The following UNC5D variants were observed in gnomAD, a reference collection of about 807,000 sequenced individuals.
UNC5D encodes the protein netrin receptor UNC5D.
UNC5D carries 39 observed loss-of-function variants against 105.4 expected under a neutral mutation model. The observed-to-expected ratio is 0.37, with a 90% CI of 0.29 to 0.48. The LOEUF is 0.48. Among genes scored for constraint, UNC5D ranks in the 20% least tolerant of loss-of-function variants. The probability of loss-of-function intolerance (pLI) is 0.98; values close to 1 mark genes in which losing one functional copy is unlikely to be tolerated. For missense variants in UNC5D, 991 were observed against 1,202.4 expected, an observed-to-expected ratio of 0.82 and a Z score of 2.60; for synonymous variants, 452 against 450.4, an observed-to-expected ratio of 1.00 and a Z score of -0.04.
intron 1 of UNC5D, among the ~76,000 whole-genome samples, chr8:35,438,624 A>T (rs1018889004): frequency 1.3e-5 from 2 of 151,970 alleles, no homozygotes; most frequent in Non-Finnish European, 2.9e-5. Context: ...CCTGCAGAGA[A>T]TAACATAAGC....
intron 3 of UNC5D, among the ~76,000 whole-genome samples, chr8:35,572,844 C>T (rs1817832798): frequency 1.3e-5 from 2 of 149,316 alleles, no homozygotes; most frequent in Admixed American, 1.3e-4. Context: ...CTCTCTGTCG[C>T]CCAGGCTGGA....
intron 1 of UNC5D, among the ~76,000 whole-genome samples, chr8:35,540,511 C>A: frequency 6.9e-6 from 1 of 145,110 alleles, no homozygotes. Context: ...TTCTAGAAAC[C>A]TAAAAATAGA....
chr8:35,346,142 G>A (rs1415284287), intron 1 of UNC5D, among the ~76,000 whole-genome samples: 1 of 151,994 alleles, frequency 6.6e-6, no homozygotes, highest in East Asian at 1.9e-4. Flanking sequence ...TTTTGGGACA[G>A]CATAGGCAAG....
At chr8:35,525,958 C>T (rs1326765294) in intron 1 of UNC5D, among the ~76,000 whole-genome samples, 1 of 152,108 alleles carries the variant, frequency 6.6e-6, no homozygotes, top group Non-Finnish European at 1.5e-5. Context: ...TTGTGTGTGT[C>T]CCAAATATAA....
chr8:35,546,258 A>C (rs1815671006), intron 1 of UNC5D, among the ~76,000 whole-genome samples: 1 of 152,118 alleles, frequency 6.6e-6, no homozygotes, highest in African/African-American at 2.4e-5. Flanking sequence ...AGGCTTGTCC[A>C]TTCCACTCTC....
At position 35,570,956 on chromosome 8, in the gene UNC5D, C is replaced by CAAGA. The variant is rs746138059; in HGVS notation, c.466+2728_466+2731dup. Among the ~76,000 whole-genome samples, 12 of 150,748 alleles carry CAAGA rather than the reference C, an allele frequency of 8.0e-5. 1 individual carries two copies. Among genetic ancestry groups the CAAGA allele is most frequent in the Admixed American group, 6.6e-4 (10 of 15,102 alleles). On this transcript the variant is annotated intron_variant, in intron 3 of 16. Transcript: ENST00000404895. ...CTGGGCAACAAGAGCCAAACTCCAT[C>CAAGA]AAGAAAGAAAGAAAGAGAGAGAGAG...
At chr8:35,495,311 G>GGTCTTTT (rs1341368045) in intron 1 of UNC5D, among the ~76,000 whole-genome samples, 2 of 151,766 alleles carry the variant, frequency 1.3e-5, no homozygotes, top group Non-Finnish European at 2.9e-5. Context: ...GGTGGGAAGA[G>GGTCTTTT]GTCTTTTTAT....
chr8:35,309,472 T>C (rs1055233205), intron 1 of UNC5D, among the ~76,000 whole-genome samples: 12 of 152,308 alleles, frequency 7.9e-5, no homozygotes, highest in South Asian at 2.1e-4. Flanking sequence ...TCTTTGACTA[T>C]GTTAACTGGG....
chr8:35,461,871 C>T (rs1249340065), intron 1 of UNC5D, among the ~76,000 whole-genome samples: 1 of 152,178 alleles, frequency 6.6e-6, no homozygotes. Context: ...AAAATATGAC[C>T]AACATTGAAT....
chr8:35,448,551 A>G lies in UNC5D; in HGVS notation c.104-100741A>G, dbSNP rs796084223. Among the ~76,000 whole-genome samples, 165 of 152,080 alleles carry G rather than the reference A, an allele frequency of 1.1e-3. 2 individuals carry two copies. The highest frequency in any genetic ancestry group is 3.8e-3 in the African/African-American group (158 of 41,492). ...GAGTGATTAGATATTCAAATTCTTGACCCTAATCTGCACCTCCCCAGCAGA... is the reference window on the plus strand; with the variant it reads ...GAGTGATTAGATATTCAAATTCTTGGCCCTAATCTGCACCTCCCCAGCAGA... On this transcript the variant is annotated intron_variant, in intron 1 of 16. Transcript: ENST00000404895.
intron 1 of UNC5D, among the ~76,000 whole-genome samples, chr8:35,471,675 G>A (rs1563450755): frequency 6.6e-6 from 1 of 152,082 alleles, no homozygotes; most frequent in Non-Finnish European, 1.5e-5. Context: ...TCATGGTTAA[G>A]AAAAATAATA....
rs562820365 is a variant in UNC5D, at chr8:35,435,078, T to A, written c.104-114214T>A. On this transcript the variant is annotated intron_variant, in intron 1 of 16. Coordinates refer to ENST00000404895, the MANE Select transcript of UNC5D (RefSeq NM_080872.4). ...TTGGAAAGACTGTGGAGTATGGTTTTTTCTGAAGAGGGTTCACTGATAATT... is the reference window on the plus strand; with the variant it reads ...TTGGAAAGACTGTGGAGTATGGTTTATTCTGAAGAGGGTTCACTGATAATT... 7.9e-5 allele frequency among the ~76,000 whole-genome samples: 12 copies of A among 152,240 alleles called. No individual in the cohort carries two copies. In the East Asian group the frequency reaches 1.9e-3, roughly 24 times the overall value.
intron 1 of UNC5D, among the ~76,000 whole-genome samples, chr8:35,285,450 T>C (rs1037194310): frequency 6.6e-6 from 1 of 152,220 alleles, no homozygotes; most frequent in African/African-American, 2.4e-5. Context: ...AAGTTCAATT[T>C]CTAGTGTTCT....
At chr8:35,379,486 G>A (rs967695023) in intron 1 of UNC5D, among the ~76,000 whole-genome samples, 1 of 152,158 alleles carries the variant, frequency 6.6e-6, no homozygotes, top group African/African-American at 2.4e-5. Flanking sequence ...TAGAGATGCT[G>A]TTGTCTGTTC....
intron 7 of UNC5D, among the ~76,000 whole-genome samples, chr8:35,701,128 T>C (rs6998842): frequency 6.6e-6 from 1 of 152,078 alleles, no homozygotes; most frequent in Non-Finnish European, 1.5e-5. Flanking sequence ...TGGTAAACAT[T>C]GACTGTAATG....
chr8:35,423,418 G>C (rs961247892), intron 1 of UNC5D, among the ~76,000 whole-genome samples: 1 of 152,096 alleles, frequency 6.6e-6, no homozygotes, highest in Non-Finnish European at 1.5e-5. Flanking sequence ...CCTACCTCAG[G>C]TTATAATAGA....
chr8:35,534,601 C>G (rs1404411232), intron 1 of UNC5D, among the ~76,000 whole-genome samples: 2 of 151,504 alleles, frequency 1.3e-5, no homozygotes, highest in Non-Finnish European at 2.9e-5. Flanking sequence ...CAAAATAGCT[C>G]TGTTTACTCA....
At chr8:35,314,074 A>G (rs530656786) in intron 1 of UNC5D, among the ~76,000 whole-genome samples, 2 of 152,176 alleles carry the variant, frequency 1.3e-5, no homozygotes, top group African/African-American at 4.8e-5. Context: ...TTCTCTTTCA[A>G]AAAAATCTAG....
intron 1 of UNC5D, among the ~76,000 whole-genome samples, chr8:35,521,566 A>G (rs1813482378): frequency 6.6e-6 from 1 of 152,146 alleles, no homozygotes; most frequent in South Asian, 2.1e-4. Flanking sequence ...CAAAAACAAA[A>G]CAGGAGTCCT....
Sources: gnomAD v4.1 joint callset for allele counts (sites outside exome capture counted in the v4.1 genomes callset) on GRCh38, gnomAD v4.1.1 for gene constraint, MANE v1.5 for transcripts, NCBI Gene and HGNC (gene_info 2026-07-23, HGNC 2026-07-21) for gene names.